RNGTT: variants seen among roughly 807,000 people sequenced by gnomAD.
RNGTT encodes the protein mRNA-capping enzyme.
Under a neutral mutation model 79.3 loss-of-function variants are expected in RNGTT, and 33 were observed. The observed-to-expected ratio is 0.42, with a 90% confidence interval of 0.32 to 0.56. RNGTT has a LOEUF of 0.56. Among genes scored for constraint, RNGTT ranks in the 20% least tolerant of loss-of-function variants. RNGTT has a pLI of 0.17. For synonymous variants in RNGTT, 222 were observed against 235.9 expected (o/e 0.94, Z 0.54); for missense variants, 497 against 739.1 (o/e 0.67, Z 3.80).
Position 88,702,762 on chromosome 6 carries a change from A to G in RNGTT, c.1440-24343T>C, listed in dbSNP as rs542161942. Among the ~76,000 whole-genome samples the G allele has an allele frequency of 1.6e-4, 24 of 152,284 alleles. No homozygotes were observed. In the East Asian group the frequency reaches 3.9e-3, roughly 24 times the overall value. The stretch of plus-strand genomic sequence containing the variant: ...GCAAAAGAAATTATCAACAGAGTAA[A>G]CAACCTACAGAATAGAAGAATATAT... On this transcript the variant is annotated intron_variant, in intron 13 of 15. Coordinates refer to ENST00000369485, the MANE Select transcript of RNGTT (RefSeq NM_003800.5).
intron 4 of RNGTT, among the ~76,000 whole-genome samples, chr6:88,922,416 G>T (rs528931299): frequency 6.6e-6 from 1 of 152,080 alleles, no homozygotes; most frequent in South Asian, 2.1e-4. Flanking sequence ...CTCTAATAAG[G>T]ACTCTGGGTT....
intron 1 of RNGTT, among the ~76,000 whole-genome samples, chr6:88,960,097 C>T (rs1326799493): frequency 1.3e-5 from 2 of 152,158 alleles, no homozygotes; most frequent in Admixed American, 6.5e-5. Flanking sequence ...ACCTCTGATT[C>T]CCATCATATA....
chr6:88,755,959 C>CAAAAAAAAAAAAAAAAAAAAAAA (rs1157096180), intron 13 of RNGTT, among the ~76,000 whole-genome samples: 2 of 30,500 alleles, frequency 6.6e-5, no homozygotes, highest in Admixed American at 4.6e-4. Context: ...GACTCCGTCT[C>CAAAAAAAAAAAAAAAAAAAAAAA]AAAAAAAAAA....
At chr6:88,830,993 G>A (rs1006033681) in intron 11 of RNGTT, among the ~76,000 whole-genome samples, 1 of 152,114 alleles carries the variant, frequency 6.6e-6, no homozygotes, top group Non-Finnish European at 1.5e-5. Flanking sequence ...ATTCACAGCT[G>A]AATTCTACCA....
intron 13 of RNGTT, among the ~76,000 whole-genome samples, chr6:88,762,054 G>A (rs1426291527): frequency 6.6e-6 from 1 of 152,138 alleles, no homozygotes; most frequent in Non-Finnish European, 1.5e-5. Flanking sequence ...ACTTTAAACA[G>A]ACACGAATTG....
At position 88,646,963 on chromosome 6, in the gene RNGTT, T is replaced by C. The variant is rs148434916; in HGVS notation, c.1506+31390A>G. Among the ~76,000 whole-genome samples the C allele has an allele frequency of 3.0e-4, 45 of 152,300 alleles. 1 individual carries two copies. The East Asian group carries it at 7.7e-3, about 26-fold the overall frequency. The stretch of plus-strand genomic sequence containing the variant: ...TTAATGTGCACCAACATGGCACATG[T>C]ATACATATGTAACAAACCTGCACGT... On this transcript the variant is annotated intron_variant, in intron 14 of 15. Coordinates refer to ENST00000369485, the MANE Select transcript of RNGTT (RefSeq NM_003800.5).
intron 13 of RNGTT, among the ~76,000 whole-genome samples, chr6:88,724,750 TA>T (rs777607706): frequency 3.3e-5 from 5 of 152,248 alleles, no homozygotes. Flanking sequence ...CTTCTACTTT[TA>T]AACTTAACTT....
chr6:88,732,658 A>G (rs916814590), intron 13 of RNGTT, among the ~76,000 whole-genome samples: 4 of 152,228 alleles, frequency 2.6e-5, no homozygotes, highest in Non-Finnish European at 4.4e-5. Flanking sequence ...ATATAATTGA[A>G]TATTATTTGG....
At chr6:88,936,375 A>C (rs1054388605) in intron 2 of RNGTT, among the ~76,000 whole-genome samples, 3 of 146,454 alleles carry the variant, frequency 2.0e-5, no homozygotes, top group East Asian at 1.9e-4. Context: ...GGTGCCTTTT[A>C]TTTCTTTCTC....
chr6:88,945,822 C>T (rs987725208), intron 1 of RNGTT, among the ~76,000 whole-genome samples: 1 of 152,172 alleles, frequency 6.6e-6, no homozygotes, highest in Non-Finnish European at 1.5e-5. Flanking sequence ...CCATAAAACC[C>T]CCTGAGAGAT....
At chr6:88,645,921 G>A (rs1436721435) in intron 14 of RNGTT, among the ~76,000 whole-genome samples, 1 of 152,134 alleles carries the variant, frequency 6.6e-6, no homozygotes, top group Non-Finnish European at 1.5e-5. Flanking sequence ...CCTAGGCATT[G>A]CCATTCAGGA....
At chr6:88,713,794 G>A (rs565578112) in intron 13 of RNGTT, among the ~76,000 whole-genome samples, 14 of 152,188 alleles carry the variant, frequency 9.2e-5, no homozygotes, top group African/African-American at 3.4e-4. Context: ...TATGAAACAG[G>A]AGATATGATA....
intron 11 of RNGTT, among the ~76,000 whole-genome samples, chr6:88,802,618 C>A (rs1779827429): frequency 6.6e-6 from 1 of 152,090 alleles, no homozygotes; most frequent in Non-Finnish European, 1.5e-5. Context: ...AAAGAAAAAG[C>A]AGTTTAATGG....
chr6:88,676,187 G>A (rs763335793), intron 14 of RNGTT, among the ~76,000 whole-genome samples: 11 of 152,114 alleles, frequency 7.2e-5, no homozygotes, highest in Non-Finnish European at 1.6e-4. Flanking sequence ...AATATAGTGT[G>A]GTTATTGGTA....
chr6:88,729,272 T>C (rs1777027057), intron 13 of RNGTT, among the ~76,000 whole-genome samples: 1 of 151,992 alleles, frequency 6.6e-6, no homozygotes, highest in Non-Finnish European at 1.5e-5. Flanking sequence ...CCTGAGTAGA[T>C]GTGTAGTGGT....
Position 88,610,108 on chromosome 6 carries a change from C to A in RNGTT, c.*2611G>T, listed in dbSNP as rs1771969288. 2.0e-5 allele frequency among the ~76,000 whole-genome samples: 3 copies of A among 152,306 alleles called. No homozygotes were observed. Among genetic ancestry groups the A allele is most frequent in the Admixed American group, 2.0e-4 (3 of 15,308 alleles). On this transcript the variant is annotated 3_prime_UTR_variant, in exon 16 of 16. Coordinates refer to ENST00000369485, the MANE Select transcript of RNGTT (RefSeq NM_003800.5). ...ACACCCCCCTGTGTCAATCAAATTTCTCAGTTTCTCAGAAAGAAAAATAGA... is the reference window on the plus strand; with the variant it reads ...ACACCCCCCTGTGTCAATCAAATTTATCAGTTTCTCAGAAAGAAAAATAGA...
chr6:88,949,821 C>T (rs1406348734), intron 1 of RNGTT, among the ~76,000 whole-genome samples: 1 of 152,192 alleles, frequency 6.6e-6, no homozygotes, highest in East Asian at 1.9e-4. Flanking sequence ...ATGGAAGCTG[C>T]AGCAAATTAT....
At chr6:88,751,503 T>C (rs1360388815) in intron 13 of RNGTT, among the ~76,000 whole-genome samples, 1 of 152,106 alleles carries the variant, frequency 6.6e-6, no homozygotes, top group East Asian at 1.9e-4. Context: ...GAAAATACAG[T>C]GTACTGTTCA....
At chr6:88,869,499 T>C (rs1268392690) in intron 8 of RNGTT, among the ~76,000 whole-genome samples, 1 of 152,116 alleles carries the variant, frequency 6.6e-6, no homozygotes. Context: ...CTTTTATAAG[T>C]AGAGATAGTG....
Sources: gnomAD v4.1 joint callset for allele counts (sites outside exome capture counted in the v4.1 genomes callset) on GRCh38, gnomAD v4.1.1 for gene constraint, MANE v1.5 for transcripts, NCBI Gene and HGNC (gene_info 2026-07-23, HGNC 2026-07-21) for gene names.